Variants in SHROOM2 observed in about 807,000 individuals in gnomAD.
SHROOM2 encodes shroom family member 2.
SHROOM2 carries 33 observed loss-of-function variants against 75.9 expected under a neutral mutation model. The ratio of observed to expected loss-of-function variants is 0.43; its 90% CI spans 0.33 to 0.58. SHROOM2 has a LOEUF of 0.58. Ranked by LOEUF, SHROOM2 falls within the 20% of genes least tolerant of loss-of-function variation. The pLI is 0.04. For synonymous variants in SHROOM2, 655 were observed against 663.6 expected (o/e 0.99, Z 0.20); for missense variants, 1,434 against 1,461.2 (o/e 0.98, Z 0.30).
chrX:9,788,494 G>A (rs1489967843), intron 1 of SHROOM2, among the ~76,000 whole-genome samples: 2 of 111,151 alleles, frequency 1.8e-5, no homozygotes, highest in Non-Finnish European at 1.9e-5. Context: ...GGCTGGTTCG[G>A]TCCTGGTCTT....
intron 1 of SHROOM2, among the ~76,000 whole-genome samples, chrX:9,808,354 G>A (rs1171291238): frequency 9.7e-6 from 1 of 102,975 alleles, no homozygotes; most frequent in Non-Finnish European, 2.0e-5. Flanking sequence ...GACCAGACTG[G>A]GCAATATAGT....
intron 1 of SHROOM2, among the ~76,000 whole-genome samples, chrX:9,821,769 AC>A (rs369611665): frequency 8.9e-6 from 1 of 111,876 alleles, no homozygotes; most frequent in Admixed American, 9.5e-5. Context: ...AATGGTGGTT[AC>A]CGGGGCGGAG....
chrX:9,819,719 G>A (rs907376631), intron 1 of SHROOM2, among the ~76,000 whole-genome samples: 2 of 110,765 alleles, frequency 1.8e-5, no homozygotes, highest in Admixed American at 9.6e-5. Flanking sequence ...CTTGAAAAGC[G>A]CTGTCCTTCA....
intron 5 of SHROOM2, among the ~76,000 whole-genome samples, chrX:9,902,077 G>A (rs73474596): frequency 0.036 from 4,027 of 110,659 alleles, 206 homozygotes; most frequent in African/African-American, 0.13. Context: ...TGGATACATG[G>A]ATGAGATGTA....
chrX:9,832,873 A>G (rs779332213), intron 1 of SHROOM2, among the ~76,000 whole-genome samples: 20 of 111,199 alleles, frequency 1.8e-4, no homozygotes, highest in Admixed American at 2.9e-4. Flanking sequence ...TGTGTATAGG[A>G]AGTACTAGAA....
At chrX:9,803,491 C>T (rs1295955669) in intron 1 of SHROOM2, among the ~76,000 whole-genome samples, 1 of 111,242 alleles carries the variant, frequency 9.0e-6, no homozygotes, top group Non-Finnish European at 1.9e-5. Context: ...GGCAGGCCTC[C>T]ATGCTGTCTC....
At chrX:9,873,605 G>A in intron 1 of SHROOM2, 47 bp from the exon 2 acceptor site, 1 of 1,200,559 alleles carries the variant, frequency 8.3e-7, no homozygotes, top group Non-Finnish European at 1.1e-6. Flanking sequence ...TCTGCCTCAG[G>A]AATTGCTGCT....
chrX:9,933,934 G>T (rs1461521289), intron 6 of SHROOM2, among the ~76,000 whole-genome samples: 1 of 111,975 alleles, frequency 8.9e-6, no homozygotes, highest in Non-Finnish European at 1.9e-5. Context: ...GCCCCCAGGG[G>T]ACATTAGGCA....
chrX:9,876,829 G>A (rs2084203306), intron 2 of SHROOM2, among the ~76,000 whole-genome samples: 1 of 112,312 alleles, frequency 8.9e-6, no homozygotes, highest in Non-Finnish European at 1.9e-5. Flanking sequence ...TTAAAGACAG[G>A]TTCCTGCTCT....
chrX:9,814,720 C>T (rs1445372201), intron 1 of SHROOM2, among the ~76,000 whole-genome samples: 2 of 111,385 alleles, frequency 1.8e-5, no homozygotes, highest in Non-Finnish European at 3.8e-5. Flanking sequence ...GGAAGCTGTT[C>T]CTTCTGGCAA....
rs1051046978 is a variant in SHROOM2, at chrX:9,838,422, A to T, written c.166-35230A>T. Among the ~76,000 whole-genome samples, 13 of 110,951 alleles carry T rather than the reference A, an allele frequency of 1.2e-4. 1 individual carries two copies. Among genetic ancestry groups the T allele is most frequent in the Admixed American group, 5.8e-4 (6 of 10,332 alleles). The stretch of plus-strand genomic sequence containing the variant: ...TTGGGTTGTTGCCAACACCCACGGC[A>T]GCTAAAAACTGCTTAAGAAATGCCT... On this transcript the variant is annotated intron_variant, in intron 1 of 9. Coordinates refer to ENST00000380913, the MANE Select transcript of SHROOM2 (RefSeq NM_001649.4).
At position 9,895,262 on chromosome X, in the gene SHROOM2, T is replaced by G. The variant is rs1282537778; in HGVS notation, c.1354T>G (p.Phe452Val). ...TGGGCAGGAGCCAGGGGCTGCCAGC[T>G]TCCAGAACGACAGCCCTCCTCAGGT... ...SLGQEPGAAS[F>V]QNDSPPQVRG... Residue 452 changes from phenylalanine to valine, a missense_variant, in exon 4 of 10, where the codon TTC becomes GTC. Transcript: ENST00000380913. 4 of 1,186,199 alleles carry G rather than the reference T, an allele frequency of 3.4e-6. No individual in the cohort carries two copies. In the Admixed American group the frequency reaches 9.3e-5, roughly 28 times the overall value.
chrX:9,907,606 C>A (rs1340226996), intron 5 of SHROOM2, among the ~76,000 whole-genome samples: 2 of 111,430 alleles, frequency 1.8e-5, no homozygotes, highest in Non-Finnish European at 3.8e-5. Context: ...GGGAGCAGAG[C>A]AACTTTCTTC....
intron 6 of SHROOM2, among the ~76,000 whole-genome samples, chrX:9,933,256 G>A (rs1320058647): frequency 1.8e-5 from 2 of 110,731 alleles, no homozygotes; most frequent in African/African-American, 6.6e-5. Context: ...ACCTAAGCAT[G>A]CGACCTTTAG....
chrX:9,939,095 G>A (rs906970424), intron 7 of SHROOM2, 100 bp from the exon 8 acceptor site: 17 of 700,156 alleles, frequency 2.4e-5, no homozygotes, highest in South Asian at 3.9e-5. Flanking sequence ...GTGTCCTTTC[G>A]TGAGCACCAG....
intron 1 of SHROOM2, among the ~76,000 whole-genome samples, chrX:9,870,606 T>G (rs1361752299): frequency 8.9e-6 from 1 of 112,329 alleles, no homozygotes; most frequent in Non-Finnish European, 1.9e-5. Context: ...TTTCCAAAAT[T>G]GTAACGTGAA....
intron 1 of SHROOM2, among the ~76,000 whole-genome samples, chrX:9,844,285 G>A (rs1198955116): frequency 9.0e-6 from 1 of 111,438 alleles, no homozygotes; most frequent in Non-Finnish European, 1.9e-5. Context: ...GCCAAAGCTG[G>A]AGGATCTCTT....
At chrX:9,846,441 C>T (rs769316438) in intron 1 of SHROOM2, among the ~76,000 whole-genome samples, 1 of 111,944 alleles carries the variant, frequency 8.9e-6, no homozygotes, top group South Asian at 3.8e-4. Context: ...ACTACAGGCA[C>T]GTGCCACCAC....
chrX:9,854,726 T>C (rs747074612), intron 1 of SHROOM2, among the ~76,000 whole-genome samples: 19 of 111,578 alleles, frequency 1.7e-4, no homozygotes, highest in Admixed American at 4.8e-4. Flanking sequence ...AGTTGAGAGC[T>C]TCTGCTGTAG....
Sources: allele counts gnomAD v4.1 joint callset (sites outside exome capture counted in the v4.1 genomes callset), GRCh38; gene constraint gnomAD v4.1.1; transcripts MANE v1.5; gene names NCBI Gene and HGNC (gene_info 2026-07-23, HGNC 2026-07-21).